DDX60L: variants seen among roughly 807,000 people sequenced by gnomAD.
DDX60L encodes the protein DExD/H-box 60 like.
In DDX60L, 191 loss-of-function variants were observed where a neutral mutation model predicts 211.6. That is an observed-to-expected ratio of 0.90 (90% CI 0.80 to 1.02). DDX60L has a LOEUF of 1.02. Among genes scored for constraint, DDX60L ranks in the 50% least tolerant of loss-of-function variants. The probability of loss-of-function intolerance (pLI) is 0.00; values close to 1 mark genes in which losing one functional copy is unlikely to be tolerated. For missense variants in DDX60L, 2,007 were observed against 1,984.1 expected (o/e 1.01, Z -0.22); for synonymous variants, 706 against 694.1 (o/e 1.02, Z -0.27).
In DDX60L at chr4:168,427,078, C is replaced by T. The variant is rs201961479; in HGVS notation, c.1922G>A (p.Arg641Gln). The T allele has an allele frequency of 5.9e-4, 938 of 1,601,804 alleles. 10 individuals carry two copies. The highest frequency in any genetic ancestry group is 3.3e-4 in the Middle Eastern group (2 of 6,040). ...AGTATGGAGTCCCATACCTTCACCT[C>T]GGCAATGTTTTTTCCATGCTTTAAA... ...ACFKAWKKHC[R>Q]GEGKISKDLS... The change falls in exon 14 of 38, where the codon CGA becomes CAA. Residue 641 changes from arginine to glutamine, a missense_variant. Coordinates refer to ENST00000682922, the MANE Select transcript of DDX60L (RefSeq NM_001012967.3).
At chr4:168,422,999 G>GTGTGTGTGTGTGTGTA (rs551448406) in intron 15 of DDX60L, among the ~76,000 whole-genome samples, 1,735 of 137,562 alleles carry the variant, frequency 0.013, 67 homozygotes, top group African/African-American at 0.043. Context: ...GTGTGTGTGT[G>GTGTGTGTGTGTGTGTA]TTGTAGAGAC....
Position 168,391,566 on chromosome 4 carries a change from A to T in DDX60L, c.3889T>A (p.Tyr1297Asn), listed in dbSNP as rs777141747. 6.2e-7 allele frequency: 1 copy of T among 1,607,192 alleles called. No homozygotes were observed. The highest frequency in any genetic ancestry group is 8.5e-7 in the Non-Finnish European group (1 of 1,175,964). The change falls in exon 29 of 38, where the codon TAT becomes AAT. Residue 1297 changes from tyrosine (Y) to asparagine (N), a missense_variant. Transcript: ENST00000682922. ...TGTCTGTAATTTAAAGCATCCAGAT[A>T]GACTGAGTCTTGGGCAAAAACAACA... ...KSVVFAQDSV[Y>N]LDALNYRQMS... is the part of the protein sequence containing the mutation.
chr4:168,387,868 G>T (rs1179385363), intron 29 of DDX60L, among the ~76,000 whole-genome samples: 2 of 152,146 alleles, frequency 1.3e-5, no homozygotes, highest in Non-Finnish European at 2.9e-5. Flanking sequence ...GGGCTGTGGG[G>T]TAGTGATTAT....
chr4:168,374,653 C>T (rs759382207), intron 34 of DDX60L, among the ~76,000 whole-genome samples: 2 of 152,156 alleles, frequency 1.3e-5, no homozygotes, highest in Non-Finnish European at 2.9e-5. Context: ...GTGACTAAAG[C>T]TAAAGTGACT....
intron 1 of DDX60L, among the ~76,000 whole-genome samples, chr4:168,474,344 G>A (rs955122758): frequency 1.3e-5 from 2 of 151,946 alleles, no homozygotes; most frequent in African/African-American, 4.8e-5. Flanking sequence ...AAAATTTATA[G>A]TATGAATATA....
chr4:168,441,310 T>C (rs1753798577), intron 10 of DDX60L, 27 bp downstream of exon 10: 2 of 1,554,718 alleles, frequency 1.3e-6, no homozygotes, highest in African/African-American at 1.4e-5. Context: ...CATGCTTTTG[T>C]TCCACTTTAA....
chr4:168,445,516 C>T (rs538924253), intron 9 of DDX60L, among the ~76,000 whole-genome samples: 10 of 152,262 alleles, frequency 6.6e-5, no homozygotes, highest in Admixed American at 6.5e-4. Context: ...GGAATTCTCC[C>T]TAACTCATTT....
At chr4:168,420,708 T>A (rs1750462337) in intron 17 of DDX60L, among the ~76,000 whole-genome samples, 1 of 149,604 alleles carries the variant, frequency 6.7e-6, no homozygotes, top group South Asian at 2.1e-4. Context: ...CAGACAGATA[T>A]TACATATCAT....
chr4:168,370,336 G>T (rs922015982), intron 36 of DDX60L, among the ~76,000 whole-genome samples: 1 of 152,050 alleles, frequency 6.6e-6, no homozygotes, highest in Non-Finnish European at 1.5e-5. Context: ...GAAAAATATT[G>T]CATGATATCA....
intron 10 of DDX60L, among the ~76,000 whole-genome samples, chr4:168,435,368 G>T (rs920498346): frequency 2.6e-5 from 4 of 152,206 alleles, no homozygotes; most frequent in African/African-American, 9.7e-5. Context: ...AGGGATTACA[G>T]AGATTAATGC....
At chr4:168,407,689 T>C (rs1380148163) in intron 22 of DDX60L, among the ~76,000 whole-genome samples, 2 of 152,156 alleles carry the variant, frequency 1.3e-5, no homozygotes, top group Non-Finnish European at 2.9e-5. Flanking sequence ...CTATTACTGG[T>C]TTCTAGAAGA....
intron 8 of DDX60L, among the ~76,000 whole-genome samples, chr4:168,450,624 A>T (rs1038083804): frequency 7.9e-5 from 12 of 152,224 alleles, no homozygotes; most frequent in Admixed American, 5.2e-4. Flanking sequence ...TCTTAATAAT[A>T]ATTAGCCTTG....
chr4:168,458,165 C>T (rs1049366066), intron 5 of DDX60L, among the ~76,000 whole-genome samples, 157 bp from the exon 6 acceptor site: 2 of 152,022 alleles, frequency 1.3e-5, no homozygotes, highest in Non-Finnish European at 2.9e-5. Flanking sequence ...CATATGCTGG[C>T]GAGTTTGTAG....
At chr4:168,456,531 T>C (rs1341391397) in intron 6 of DDX60L, among the ~76,000 whole-genome samples, 1 of 152,058 alleles carries the variant, frequency 6.6e-6, no homozygotes, top group Non-Finnish European at 1.5e-5. Context: ...ATCAATAATA[T>C]CAAAAATTTT....
intron 22 of DDX60L, among the ~76,000 whole-genome samples, chr4:168,414,788 T>C (rs1749258747): frequency 2.0e-5 from 3 of 151,968 alleles, no homozygotes; most frequent in Non-Finnish European, 2.9e-5. Flanking sequence ...TTCTAACTTA[T>C]CTGTGGGAGC....
At chr4:168,361,394 A>C in intron 36 of DDX60L, 183 bp from the exon 37 acceptor site, 1 of 484,484 alleles carries the variant, frequency 2.1e-6, no homozygotes, top group South Asian at 3.4e-5. Context: ...CACAAAAAAA[A>C]TTATTAAAGA....
intron 13 of DDX60L, among the ~76,000 whole-genome samples, chr4:168,428,086 A>C (rs1278534376): frequency 6.6e-6 from 1 of 152,234 alleles, no homozygotes; most frequent in Non-Finnish European, 1.5e-5. Context: ...AGGCCCTTGC[A>C]CAAAGGCTGC....
At chr4:168,452,925 G>C (rs1205558912) in intron 8 of DDX60L, among the ~76,000 whole-genome samples, 199 bp downstream of exon 8, 1 of 152,156 alleles carries the variant, frequency 6.6e-6, no homozygotes, top group Non-Finnish European at 1.5e-5. Context: ...GAAGGAAAAA[G>C]AGGAGGCTCT....
rs761343489 is a variant in DDX60L at position 168,404,102 on chromosome 4, T to G, written c.3218A>C (p.Lys1073Thr). The change falls in exon 25 of 38, where the codon AAA (lysine) becomes ACA (threonine). Residue 1073 changes from lysine to threonine, a missense_variant. Lys to Thr is a moderately conservative substitution (Grantham distance 78, BLOSUM62 -1). Transcript: ENST00000682922. The stretch of plus-strand genomic sequence containing the variant: ...CGGACTAAGGTTCTTCAGTACTCTT[T>G]TGACCTACAACAGTAAGTAAAAATT... ...WIKNGQVKKV[K>T]RVLKNLSPDS... 5 of 1,365,788 alleles carry G rather than the reference T, an allele frequency of 3.7e-6. No individual in the cohort carries two copies. Among genetic ancestry groups the G allele is most frequent in the Non-Finnish European group, 3.8e-6 (4 of 1,047,694 alleles). The allele number at this position is 1,365,788 out of a possible 1,614,324, so 84.6% of individuals were successfully genotyped here.
Sources: gnomAD v4.1 joint callset for allele counts (sites outside exome capture counted in the v4.1 genomes callset) on GRCh38, gnomAD v4.1.1 for gene constraint, MANE v1.5 for transcripts, NCBI Gene and HGNC (gene_info 2026-07-23, HGNC 2026-07-21) for gene names.